Variants in SERPINI2 observed in about 807,000 individuals in gnomAD.
SERPINI2 encodes the protein serpin family I member 2.
SERPINI2 carries 48 observed loss-of-function variants against 47.3 expected under a neutral mutation model. The ratio of observed to expected loss-of-function variants is 1.02; its 90% confidence interval spans 0.81 to 1.29. The LOEUF is 1.29. Among genes scored for constraint, SERPINI2 ranks in the 50% most tolerant of loss-of-function variants. The pLI is 0.00. For missense variants in SERPINI2, 448 were observed against 456.9 expected, an observed-to-expected ratio of 0.98 and a Z score of 0.18; for synonymous variants, 135 against 149.3, an observed-to-expected ratio of 0.90 and a Z score of 0.70.
At chr3:167,470,039 C>T (rs971273438) in intron 2 of SERPINI2, among the ~76,000 whole-genome samples, 2 of 151,590 alleles carry the variant, frequency 1.3e-5, no homozygotes, top group African/African-American at 4.9e-5. Context: ...CAATTCACAC[C>T]TGTTAAAACT....
In SERPINI2 at chr3:167,467,124, GT is replaced by G; in HGVS notation, c.408del (p.Lys136AsnfsTer14). The G allele has an allele frequency of 6.2e-7, 1 of 1,613,412 alleles. No homozygotes were observed. Among genetic ancestry groups the G allele is most frequent in the East Asian group, 2.2e-5 (1 of 44,788 alleles). Reference sequence around the variant, plus strand: ...GCCTTTGCATCTTGAAAATCCACCAGTTTTATAGCACTCTGAAAAAATTCCT... The same window carrying G: ...GCCTTTGCATCTTGAAAATCCACCAGTTTATAGCACTCTGAAAAAATTCCT... On this transcript the variant is annotated frameshift_variant, in exon 3 of 9. Transcript: ENST00000264677. LOFTEE classifies it high-confidence loss of function.
chr3:167,453,069 A>G, intron 5 of SERPINI2, 36 bp from the exon 6 acceptor site: 2 of 1,206,082 alleles, frequency 1.7e-6, no homozygotes. Flanking sequence ...AAAAGTCTTG[A>G]AACACTGCAC....
chr3:167,473,769 A>G (rs1397831277), intron 1 of SERPINI2: 2 of 1,477,196 alleles, frequency 1.4e-6, no homozygotes, highest in Non-Finnish European at 1.8e-6. Flanking sequence ...CTTATCAGAA[A>G]GCACAAAGTA....
chr3:167,453,267 A>ATTTTT (rs146628314), intron 5 of SERPINI2, among the ~76,000 whole-genome samples: 5 of 151,438 alleles, frequency 3.3e-5, no homozygotes, highest in African/African-American at 1.2e-4. Flanking sequence ...CAGAAATTGC[A>ATTTTT]TTTTTTTTTG....
In SERPINI2 at chr3:167,474,004, C is replaced by T; in HGVS notation, c.-12G>A. The T allele has an allele frequency of 8.0e-6, 9 of 1,128,644 alleles. No individual in the cohort carries two copies. In the South Asian group the frequency reaches 3.5e-4, roughly 43 times the overall value. 69.9% of individuals were successfully genotyped at this position (1,128,644 alleles called of 1,614,324 possible). The stretch of plus-strand genomic sequence containing the variant: ...GCTATTTATTTCTAAGGTACTTACC[C>T]CAAACTGACTTCTGATTATTCACTG... On this transcript the variant is annotated splice_region_variant and 5_prime_UTR_variant, in exon 1 of 9. Transcript: ENST00000264677.
At chr3:167,466,325 A>G (rs528424342) in intron 3 of SERPINI2, among the ~76,000 whole-genome samples, 2 of 152,182 alleles carry the variant, frequency 1.3e-5, no homozygotes, top group African/African-American at 2.4e-5. Flanking sequence ...AAGGCTTCCT[A>G]TAAGGCATAT....
chr3:167,472,854 T>C (rs1441450396), intron 1 of SERPINI2, among the ~76,000 whole-genome samples: 1 of 151,760 alleles, frequency 6.6e-6, no homozygotes, highest in Non-Finnish European at 1.5e-5. Context: ...CCTCATAAAT[T>C]TTAGTAACAA....
chr3:167,442,857 G>A (rs540265814), intron 8 of SERPINI2, among the ~76,000 whole-genome samples: 8 of 152,270 alleles, frequency 5.3e-5, no homozygotes, highest in African/African-American at 1.9e-4. Flanking sequence ...TAAGAGAAGT[G>A]GCCTAAATCA....
rs1289094000 is a variant in SERPINI2 at position 167,448,671 on chromosome 3, C to T, written c.1051+645G>A. Among the ~76,000 whole-genome samples the T allele has an allele frequency of 3.3e-5, 5 of 152,222 alleles. No homozygotes were observed. The South Asian group carries it at 6.2e-4, about 19-fold the overall frequency. ...CCGAGTAGCTGGGACTACAGGCATCCGCCACCACGCCCGGCTAATTTTTTG... is the reference window on the plus strand; with the variant it reads ...CCGAGTAGCTGGGACTACAGGCATCTGCCACCACGCCCGGCTAATTTTTTG... On this transcript the variant is annotated intron_variant, in intron 7 of 8. Coordinates refer to ENST00000264677, the Ensembl canonical transcript of SERPINI2.
rs997822800 is a variant in SERPINI2, at chr3:167,453,884, TG to T, written c.867-852del. On this transcript the variant is annotated intron_variant, in intron 5 of 8. Transcript: ENST00000264677. ...TTTCCCATTTAAATAAAAGTGGGGGTGGGGGGAAGCTAGTACTTATTGACTT... is the reference window on the plus strand; with the variant it reads ...TTTCCCATTTAAATAAAAGTGGGGGTGGGGGAAGCTAGTACTTATTGACTT... Among the ~76,000 whole-genome samples the T allele has an allele frequency of 2.1e-4, 32 of 150,190 alleles. No individual in the cohort carries two copies. The East Asian group carries it at 3.2e-3, about 15-fold the overall frequency.
At chr3:167,453,662 G>A (rs976419491) in intron 5 of SERPINI2, among the ~76,000 whole-genome samples, 27 of 148,782 alleles carry the variant, frequency 1.8e-4, no homozygotes, top group African/African-American at 6.7e-4. Flanking sequence ...GGAGTGGGGG[G>A]GGGTGGGCAA....
intron 8 of SERPINI2, among the ~76,000 whole-genome samples, chr3:167,445,179 T>G (rs1749437101): frequency 6.6e-6 from 1 of 152,158 alleles, no homozygotes; most frequent in African/African-American, 2.4e-5. Flanking sequence ...CTCTCAGCAT[T>G]AGTTTCATGG....
chr3:167,456,517 T>G (rs904787767), intron 5 of SERPINI2, among the ~76,000 whole-genome samples: 1 of 152,206 alleles, frequency 6.6e-6, no homozygotes, highest in Non-Finnish European at 1.5e-5. Context: ...TTACATCTTT[T>G]GAAAAGTCTC....
intron 5 of SERPINI2, among the ~76,000 whole-genome samples, chr3:167,455,977 G>A (rs915605623): frequency 1.3e-5 from 2 of 152,136 alleles, no homozygotes; most frequent in Non-Finnish European, 2.9e-5. Flanking sequence ...TGAGATTTGG[G>A]TGGGGACATA....
intron 2 of SERPINI2, 127 bp downstream of exon 2, chr3:167,471,461 T>G: frequency 1.1e-6 from 1 of 873,776 alleles, no homozygotes. Flanking sequence ...TTCTCCATTT[T>G]ATTACAATTT....
upstream of SERPINI2, among the ~76,000 whole-genome samples, chr3:167,474,875 A>T (rs1004239553): frequency 4.6e-5 from 7 of 151,752 alleles, no homozygotes; most frequent in African/African-American, 1.4e-4. Context: ...AGAGAAAAAA[A>T]ATTTAGTTCA....
intron 1 of SERPINI2, chr3:167,473,704 TCAGA>T (rs1212079177): frequency 1.6e-6 from 2 of 1,226,170 alleles, no homozygotes; most frequent in Non-Finnish European, 2.2e-6. Flanking sequence ...AATTATAACC[TCAGA>T]CAAATATTGG....
intron 2 of SERPINI2, chr3:167,469,456 C>T (rs1299814970): frequency 2.6e-5 from 4 of 152,144 alleles, no homozygotes; most frequent in Non-Finnish European, 5.9e-5. Flanking sequence ...TTTCTTTTTA[C>T]AGTGAGGAAT....
chr3:167,449,315 C>T lies in SERPINI2; in HGVS notation c.1051+1G>A. 1 of 1,607,102 alleles carries T rather than the reference C, an allele frequency of 6.2e-7. No homozygotes were observed. The highest frequency in any genetic ancestry group is 1.1e-5 in the South Asian group (1 of 90,858). On this transcript the variant is annotated splice_donor_variant, in intron 7 of 8. Coordinates refer to ENST00000264677, the Ensembl canonical transcript of SERPINI2. LOFTEE classifies it high-confidence loss of function. The stretch of plus-strand genomic sequence containing the variant: ...GCTTGGCCAGAAATCATTCACCCTA[C>T]CAGTTGATGTTGCAGCTTCACTACC...
Sources: gnomAD v4.1 joint callset for allele counts (sites outside exome capture counted in the v4.1 genomes callset) on GRCh38, gnomAD v4.1.1 for gene constraint, MANE v1.5 for transcripts, NCBI Gene and HGNC (gene_info 2026-07-23, HGNC 2026-07-21) for gene names.